The following TIGAR variants were observed in gnomAD, a reference collection of about 807,000 sequenced individuals.
TIGAR encodes fructose-2,6-bisphosphatase TIGAR.
Under a neutral mutation model 17.9 loss-of-function variants are expected in TIGAR, and 7 were observed. The observed-to-expected ratio is 0.39, with a 90% CI of 0.22 to 0.73. The LOEUF (loss-of-function observed/expected upper bound fraction) is 0.73, where lower values mean the gene tolerates loss of function less well. Among genes scored for constraint, TIGAR ranks in the 30% least tolerant of loss-of-function variants. The pLI is 0.42. For synonymous variants in TIGAR, 94 were observed against 108.6 expected, an observed-to-expected ratio of 0.87 and a Z score of 0.84; for missense variants, 258 against 327.4, an observed-to-expected ratio of 0.79 and a Z score of 1.64.
At chr12:4,345,732 T>A (rs1214046609) in intron 3 of TIGAR, among the ~76,000 whole-genome samples, 6 of 152,120 alleles carry the variant, frequency 3.9e-5, no homozygotes, top group Admixed American at 3.9e-4. Flanking sequence ...CCAAAAGCAA[T>A]GGCAACAAAA....
intron 3 of TIGAR, 31 bp downstream of exon 3, chr12:4,337,191 A>C: frequency 6.4e-7 from 1 of 1,551,092 alleles, no homozygotes. Flanking sequence ...ATTTTGAGAC[A>C]GAGCGTCACT....
chr12:4,336,348 T>C (rs1388331263), intron 2 of TIGAR, among the ~76,000 whole-genome samples: 1 of 152,066 alleles, frequency 6.6e-6, no homozygotes, highest in Non-Finnish European at 1.5e-5. Flanking sequence ...CACCTTCATT[T>C]TTTTCATGTC....
chr12:4,326,416 A>T (rs1864546655), intron 1 of TIGAR, among the ~76,000 whole-genome samples: 1 of 152,254 alleles, frequency 6.6e-6, no homozygotes, highest in African/African-American at 2.4e-5. Flanking sequence ...CTCTTAATAA[A>T]GCTGATAAAA....
chr12:4,322,202 G>C (rs1301206574), intron 1 of TIGAR, among the ~76,000 whole-genome samples: 1 of 152,098 alleles, frequency 6.6e-6, no homozygotes, highest in Non-Finnish European at 1.5e-5. Flanking sequence ...TCGCCATGTT[G>C]GTCAGGCAGG....
In TIGAR at chr12:4,359,296, T is replaced by G. The variant is rs1481144272; in HGVS notation, c.*6605T>G. Among the ~76,000 whole-genome samples, 1 of 152,198 alleles carries G rather than the reference T, an allele frequency of 6.6e-6. No individual in the cohort carries two copies. Among genetic ancestry groups the G allele is most frequent in the Non-Finnish European group, 1.5e-5 (1 of 68,038 alleles). On this transcript the variant is annotated 3_prime_UTR_variant, in exon 6 of 6. Transcript: ENST00000179259. ...ATTTTATGGTTACACAGTCCCAACT[T>G]TGTCCTGTGGGAACCCTTTCAGGCT...
At chr12:4,334,938 G>A (rs973862347) in intron 2 of TIGAR, among the ~76,000 whole-genome samples, 9 of 151,902 alleles carry the variant, frequency 5.9e-5, no homozygotes, top group Non-Finnish European at 1.2e-4. Flanking sequence ...TATCTAGGAG[G>A]AATTTTTTTT....
rs1307561375 is a variant in TIGAR at position 4,355,015 on chromosome 12, G to A, written c.*2324G>A. ...CAAAGTGCTGGGATTGCAGGCATAA[G>A]CCACCGTGCCTGGCCTATGATGCAT... On this transcript the variant is annotated 3_prime_UTR_variant, in exon 6 of 6. Transcript: ENST00000179259. Among the ~76,000 whole-genome samples, 2 of 151,698 alleles carry A rather than the reference G, an allele frequency of 1.3e-5. No individual in the cohort carries two copies. Among genetic ancestry groups the A allele is most frequent in the Non-Finnish European group, 2.9e-5 (2 of 67,962 alleles).
chr12:4,356,334 G>C lies in TIGAR; in HGVS notation c.*3643G>C, dbSNP rs1864900968. Among the ~76,000 whole-genome samples, 1 of 152,098 alleles carries C rather than the reference G, an allele frequency of 6.6e-6. No individual in the cohort carries two copies. On this transcript the variant is annotated 3_prime_UTR_variant, in exon 6 of 6. Transcript: ENST00000179259. ...ATGTCATAGATCTCTCATTTTGCCT[G>C]AGTCTTTTATGCAATGATATTTTAT...
In TIGAR at chr12:4,358,103, C is replaced by CAA. The variant is rs4026708; in HGVS notation, c.*5429_*5430dup. Among the ~76,000 whole-genome samples the CAA allele has an allele frequency of 0.38, 46,040 of 122,762 alleles. 8,425 individuals are homozygous for CAA. Among genetic ancestry groups the CAA allele is most frequent in the South Asian group, 0.51 (1,762 of 3,474 alleles). 80.5% of individuals were successfully genotyped at this position (122,762 alleles called of 152,430 possible). On this transcript the variant is annotated 3_prime_UTR_variant, in exon 6 of 6. Coordinates refer to ENST00000179259, the MANE Select transcript of TIGAR (RefSeq NM_020375.3). ...TGGGTGACAGAGCAAGACTGGGTCT[C>CAA]AAAAAAAAAAAAAAAAAATCATTTG...
Position 4,353,656 on chromosome 12 carries a change from T to G in TIGAR, c.*965T>G, listed in dbSNP as rs1864862676. The G allele has an allele frequency of 6.6e-6, 1 of 152,110 alleles. No homozygotes were observed. Among genetic ancestry groups the G allele is most frequent in the African/African-American group, 2.4e-5 (1 of 41,398 alleles). The allele number at this position is 152,110 out of a possible 1,614,324, so 9.4% of individuals were successfully genotyped here. On this transcript the variant is annotated 3_prime_UTR_variant, in exon 6 of 6. Transcript: ENST00000179259. ...TCTAGACCAGCCTGGCCAACAATGG[T>G]GAAACCCTGTCTCTACTACAAATAC...
chr12:4,349,461 AG>A (rs1864813953), intron 3 of TIGAR, among the ~76,000 whole-genome samples: 1 of 151,452 alleles, frequency 6.6e-6, no homozygotes, highest in Admixed American at 6.6e-5. Context: ...TCTGTCACCC[AG>A]GCTGGAGTGC....
At chr12:4,325,878 C>T (rs139288173) in intron 1 of TIGAR, among the ~76,000 whole-genome samples, 3 of 152,160 alleles carry the variant, frequency 2.0e-5, no homozygotes, top group African/African-American at 7.2e-5. Context: ...TGAGGGTTTA[C>T]ATTTTCATTT....
intron 4 of TIGAR, 142 bp downstream of exon 4, chr12:4,350,038 CACT>C: frequency 1.7e-6 from 1 of 599,056 alleles, no homozygotes. Context: ...ATATGACAGT[CACT>C]GTTACATACC....
chr12:4,351,481 T>C (rs1252972653), intron 5 of TIGAR, 104 bp downstream of exon 5: 3 of 832,724 alleles, frequency 3.6e-6, no homozygotes, highest in Non-Finnish European at 5.7e-6. Context: ...CATTCTCTTT[T>C]CCATTTTAAA....
rs781056878 is a variant in TIGAR, at chr12:4,321,312, G to T, written c.32+9G>T. On this transcript the variant is annotated intron_variant, in intron 1 of 5. Coordinates refer to ENST00000179259, the MANE Select transcript of TIGAR (RefSeq NM_020375.3). This position sits in a 1 kb window ranked among gnomAD's most constrained non-coding sequence, Gnocchi z 5.2. ...CTGACTGTTGTCCGGCAGTGAGTAT[G>T]GCTGTGGCAGGATGTCTTTCTCTCT... is the stretch of plus-strand genomic sequence containing the variant. The T allele has an allele frequency of 6.2e-6, 10 of 1,601,014 alleles. No individual in the cohort carries two copies. Among genetic ancestry groups the T allele is most frequent in the Non-Finnish European group, 8.5e-6 (10 of 1,179,782 alleles).
At chr12:4,336,450 A>G (rs879867471) in intron 2 of TIGAR, among the ~76,000 whole-genome samples, 359 of 19,010 alleles carry the variant, frequency 0.019, no homozygotes, top group East Asian at 0.059. Flanking sequence ...AATGCAGCAC[A>G]CACACACACA....
rs148874867 is a variant in TIGAR at position 4,356,479 on chromosome 12, A to G, written c.*3788A>G. Among the ~76,000 whole-genome samples, 577 of 152,234 alleles carry G rather than the reference A, an allele frequency of 3.8e-3. 3 individuals carry two copies. Among genetic ancestry groups the G allele is most frequent in the African/African-American group, 0.013 (559 of 41,530 alleles). ...TGAGAGGAAGGTAGAGAGATTTCCC[A>G]TCTATCCCCTGCCCCTACACACGCA... On this transcript the variant is annotated 3_prime_UTR_variant, in exon 6 of 6. Coordinates refer to ENST00000179259, the MANE Select transcript of TIGAR (RefSeq NM_020375.3).
At position 4,355,327 on chromosome 12, in the gene TIGAR, C is replaced by T. The variant is rs889241551; in HGVS notation, c.*2636C>T. ...TGGTTTGTGGTGTGTGCTCTCAGGC[C>T]TCACACCCCCTCATTTGCTAGAGTC... On this transcript the variant is annotated 3_prime_UTR_variant, in exon 6 of 6. Coordinates refer to ENST00000179259, the MANE Select transcript of TIGAR (RefSeq NM_020375.3). Among the ~76,000 whole-genome samples, 1 of 152,036 alleles carries T rather than the reference C, an allele frequency of 6.6e-6. No individual in the cohort carries two copies. The highest frequency in any genetic ancestry group is 1.5e-5 in the Non-Finnish European group (1 of 68,016).
At position 4,321,283 on chromosome 12, in the gene TIGAR, C is replaced by T. The variant is rs1366407595; in HGVS notation, c.12C>T (p.Phe4=). ...GCGGCTCCGGGAACATGGCTCGCTT[C>T]GCTCTGACTGTTGTCCGGCAGTGAG... is the stretch of plus-strand genomic sequence containing the variant. The part of the protein sequence containing the change: MAR[F]ALTVVRHGET... Residue 4 remains phenylalanine, a synonymous_variant, in exon 1 of 6, where the codon TTC becomes TTT. Coordinates refer to ENST00000179259, the MANE Select transcript of TIGAR (RefSeq NM_020375.3). The surrounding 1 kb of genome is among the most constrained non-coding windows in gnomAD (Gnocchi z 5.2). 6.2e-7 allele frequency: 1 copy of T among 1,601,328 alleles called. No homozygotes were observed. Among genetic ancestry groups the T allele is most frequent in the East Asian group, 2.2e-5 (1 of 44,850 alleles).
Sources: allele counts gnomAD v4.1 joint callset (sites outside exome capture counted in the v4.1 genomes callset), GRCh38; gene constraint gnomAD v4.1.1; non-coding constraint Gnocchi (gnomAD v3.1); transcripts MANE v1.5; gene names NCBI Gene and HGNC (gene_info 2026-07-23, HGNC 2026-07-21).